SMOC1: variants seen among roughly 807,000 people sequenced by gnomAD.
SMOC1 encodes SPARC related modular calcium binding 1.
Under a neutral mutation model 56.3 loss-of-function variants are expected in SMOC1, and 22 were observed. The ratio of observed to expected loss-of-function variants is 0.39; its 90% CI spans 0.28 to 0.56. The LOEUF (loss-of-function observed/expected upper bound fraction) is 0.56, where lower values mean the gene tolerates loss of function less well. Ranked by LOEUF, SMOC1 falls within the 20% of genes least tolerant of loss-of-function variation. The pLI, the probability that SMOC1 is intolerant of heterozygous loss-of-function variation, is 0.61. For synonymous variants in SMOC1, 193 were observed against 215.0 expected (o/e 0.90, Z 0.89); for missense variants, 509 against 565.4 (o/e 0.90, Z 1.01).
intron 1 of SMOC1, among the ~76,000 whole-genome samples, chr14:69,929,305 C>T (rs1885100144): frequency 6.6e-6 from 1 of 152,162 alleles, no homozygotes; most frequent in Non-Finnish European, 1.5e-5. Flanking sequence ...ACATAGCTAC[C>T]ATTTATTGAG....
intron 1 of SMOC1, among the ~76,000 whole-genome samples, chr14:69,915,592 C>G (rs1044479668): frequency 3.3e-5 from 5 of 152,210 alleles, no homozygotes. Flanking sequence ...CATGCTTTCC[C>G]TGATCCCTTG....
intron 11 of SMOC1, among the ~76,000 whole-genome samples, chr14:70,024,369 C>G (rs1435834529): frequency 6.6e-6 from 1 of 152,162 alleles, no homozygotes; most frequent in Non-Finnish European, 1.5e-5. Flanking sequence ...AATGCTCAAT[C>G]TAGTCTGTGG....
At chr14:69,934,293 G>A (rs1885242310) in intron 1 of SMOC1, among the ~76,000 whole-genome samples, 1 of 152,130 alleles carries the variant, frequency 6.6e-6, no homozygotes, top group Admixed American at 6.6e-5. Flanking sequence ...TGACGACTGG[G>A]GTATTGTCAT....
chr14:69,880,325 G>A (rs539797650), intron 1 of SMOC1, among the ~76,000 whole-genome samples: 1 of 152,284 alleles, frequency 6.6e-6, no homozygotes, highest in African/African-American at 2.4e-5. Flanking sequence ...TGCCGGGCAG[G>A]CACTGGAAGA....
chr14:69,909,570 A>G (rs1369612958), intron 1 of SMOC1, among the ~76,000 whole-genome samples: 1 of 152,194 alleles, frequency 6.6e-6, no homozygotes, highest in Non-Finnish European at 1.5e-5. Flanking sequence ...TCTGGCAAGG[A>G]TTTATGTAAA....
At chr14:69,976,949 G>A (rs1413492230) in intron 4 of SMOC1, among the ~76,000 whole-genome samples, 1 of 152,120 alleles carries the variant, frequency 6.6e-6, no homozygotes, top group Admixed American at 6.5e-5. Context: ...GGTCAAAAAG[G>A]GAAGTTTACT....
chr14:70,006,638 ATAAT>A (rs1885157861), intron 7 of SMOC1, among the ~76,000 whole-genome samples: 1 of 152,344 alleles, frequency 6.6e-6, no homozygotes, highest in South Asian at 2.1e-4. Context: ...TACCATAAAA[ATAAT>A]TAATTCTTTC....
intron 1 of SMOC1, among the ~76,000 whole-genome samples, chr14:69,890,594 C>T (rs1441855547): frequency 6.6e-6 from 1 of 152,170 alleles, no homozygotes. Context: ...CATCCTGATT[C>T]CTGAGTCACC....
At chr14:69,964,126 A>T (rs1284973380) in intron 3 of SMOC1, among the ~76,000 whole-genome samples, 13 of 152,080 alleles carry the variant, frequency 8.5e-5, no homozygotes, top group Admixed American at 7.9e-4. Flanking sequence ...CTTTGGAGTA[A>T]GCATGCAAGG....
chr14:69,992,914 G>T (rs1884615822), intron 6 of SMOC1, among the ~76,000 whole-genome samples: 1 of 152,164 alleles, frequency 6.6e-6, no homozygotes, highest in Non-Finnish European at 1.5e-5. Context: ...TTGCTCTCAA[G>T]ACAGCTGCAA....
At chr14:69,995,176 A>G (rs1298731445) in intron 7 of SMOC1, among the ~76,000 whole-genome samples, 3 of 152,204 alleles carry the variant, frequency 2.0e-5, no homozygotes, top group Non-Finnish European at 4.4e-5. Flanking sequence ...TGGTTGTTGA[A>G]TTTAGCCCTA....
chr14:69,990,394 C>T (rs1424068315), intron 5 of SMOC1, among the ~76,000 whole-genome samples: 1 of 152,196 alleles, frequency 6.6e-6, no homozygotes, highest in Admixed American at 6.5e-5. Flanking sequence ...TTCTCATTAT[C>T]ATCCCTCCTG....
intron 3 of SMOC1, among the ~76,000 whole-genome samples, chr14:69,964,525 C>T (rs1253071917): frequency 6.6e-6 from 1 of 151,862 alleles, no homozygotes; most frequent in Non-Finnish European, 1.5e-5. Flanking sequence ...CTACAGGTGC[C>T]CACCACCACG....
chr14:69,911,765 T>C (rs921679445), intron 1 of SMOC1, among the ~76,000 whole-genome samples: 1 of 152,218 alleles, frequency 6.6e-6, no homozygotes, highest in African/African-American at 2.4e-5. Flanking sequence ...TGAAGGACAT[T>C]TGGGTTGTTT....
chr14:69,980,526 G>C (rs938846809), intron 5 of SMOC1, among the ~76,000 whole-genome samples: 1 of 152,180 alleles, frequency 6.6e-6, no homozygotes, highest in Non-Finnish European at 1.5e-5. Flanking sequence ...GAGCAGGTTC[G>C]GGCCACCTGT....
chr14:69,886,171 A>G (rs1028192845), intron 1 of SMOC1: 1 of 1,031,238 alleles, frequency 9.7e-7, no homozygotes, highest in Non-Finnish European at 1.5e-6. Context: ...AGCTCCTTTG[A>G]ACAACTTCTA....
chr14:69,904,142 C>T (rs944588137), intron 1 of SMOC1, among the ~76,000 whole-genome samples: 1 of 152,184 alleles, frequency 6.6e-6, no homozygotes, highest in Non-Finnish European at 1.5e-5. Context: ...TTGGGGGTGG[C>T]TCATTATACA....
At chr14:69,913,303 A>G (rs1001626841) in intron 1 of SMOC1, among the ~76,000 whole-genome samples, 2 of 152,192 alleles carry the variant, frequency 1.3e-5, no homozygotes. Flanking sequence ...ATGTACTCTT[A>G]TACATGTGAA....
At chr14:69,882,207 C>T (rs892653634) in intron 1 of SMOC1, among the ~76,000 whole-genome samples, 5 of 152,136 alleles carry the variant, frequency 3.3e-5, no homozygotes, top group Non-Finnish European at 2.9e-5. Context: ...TTGAGAGCGG[C>T]GTCATCCGAG....
Sources: allele counts gnomAD v4.1 joint callset (sites outside exome capture counted in the v4.1 genomes callset), GRCh38; gene constraint gnomAD v4.1.1; transcripts MANE v1.5; gene names NCBI Gene and HGNC (gene_info 2026-07-23, HGNC 2026-07-21).